DCHS1: variants seen among roughly 807,000 people sequenced by gnomAD.
DCHS1 encodes dachsous cadherin-related 1.
In DCHS1, 78 loss-of-function variants were observed where a neutral mutation model predicts 213.9. The ratio of observed to expected loss-of-function variants is 0.36; its 90% CI spans 0.30 to 0.44. The LOEUF (loss-of-function observed/expected upper bound fraction) is 0.44, where lower values mean the gene tolerates loss of function less well. Among genes scored for constraint, DCHS1 ranks in the 20% least tolerant of loss-of-function variants. The pLI, the probability that DCHS1 is intolerant of heterozygous loss-of-function variation, is 1.00. For synonymous variants in DCHS1, 1,828 were observed against 1,873.7 expected, an observed-to-expected ratio of 0.98 and a Z score of 0.63; for missense variants, 3,946 against 4,395.9, an observed-to-expected ratio of 0.90 and a Z score of 2.89.
intron 1 of DCHS1, among the ~76,000 whole-genome samples, chr11:6,645,704 T>A (rs1197985277): frequency 6.6e-6 from 1 of 152,112 alleles, no homozygotes; most frequent in Non-Finnish European, 1.5e-5. Context: ...CAACTCCTTC[T>A]CTCAACCTGT....
Position 6,630,169 on chromosome 11 carries a change from T to C in DCHS1, c.4625A>G (p.Asn1542Ser). Residue 1542 changes from asparagine to serine, a missense_variant, in exon 10 of 21, where the codon AAC becomes AGC. Asn to Ser is a conservative substitution (Grantham distance 46). Coordinates refer to ENST00000299441, the MANE Select transcript of DCHS1 (RefSeq NM_003737.4). The stretch of plus-strand genomic sequence containing the variant: ...TGACGGCGAGGCGAAGACAGGCGCG[T>C]TGTCATTCTCATCCGTGACGAAGAC... Reference protein sequence around the residue: ...ARVFVTDENDNAPVFASPSRV... With the variant: ...ARVFVTDENDSAPVFASPSRV... 6.3e-7 allele frequency: 1 copy of C among 1,599,902 alleles called. No homozygotes were observed. The highest frequency in any genetic ancestry group is 1.1e-5 in the South Asian group (1 of 89,752).
chr11:6,630,474 C>G lies in DCHS1; in HGVS notation c.4320G>C (p.Pro1440=). ...NEHAPAFARD[P]LALALPENPE... ...GGTTCTCTGGCAGCGCCAGCGCCAGCGGGTCGCGCGCAAAGGCGGGCGCAT... is the reference window on the plus strand; with the variant it reads ...GGTTCTCTGGCAGCGCCAGCGCCAGGGGGTCGCGCGCAAAGGCGGGCGCAT... Residue 1440 remains proline, a synonymous_variant, in exon 10 of 21, where the codon CCG becomes CCC. Transcript: ENST00000299441. The G allele has an allele frequency of 6.5e-7, 1 of 1,530,098 alleles. No individual in the cohort carries two copies. The highest frequency in any genetic ancestry group is 8.7e-7 in the Non-Finnish European group (1 of 1,144,674). The allele number at this position is 1,530,098 out of a possible 1,614,324, so 94.8% of individuals were successfully genotyped here.
Position 6,655,635 on chromosome 11 carries a change from C to A in DCHS1, c.-193G>T, listed in dbSNP as rs1439978555. 1.0e-6 allele frequency: 1 copy of A among 978,586 alleles called. No individual in the cohort carries two copies. The highest frequency in any genetic ancestry group is 1.2e-6 in the Non-Finnish European group (1 of 826,742). 60.6% of individuals were successfully genotyped at this position (978,586 alleles called of 1,614,324 possible). On this transcript the variant is annotated 5_prime_UTR_variant, in exon 1 of 21. Transcript: ENST00000299441. ...CCGCGGTCAGCCCCCCGGGCAGCGCCCGCTCGCGCGGGGCCTGAGGCCGCG... is the reference window on the plus strand; with the variant it reads ...CCGCGGTCAGCCCCCCGGGCAGCGCACGCTCGCGCGGGGCCTGAGGCCGCG...
chr11:6,629,351 A>G, intron 12 of DCHS1, 101 bp downstream of exon 12: 1 of 1,473,050 alleles, frequency 6.8e-7, no homozygotes, highest in African/African-American at 1.4e-5. Flanking sequence ...TTGTGGTAAT[A>G]GGCAAAAACT....
rs764631805 is a variant in DCHS1, at chr11:6,633,922, A to G, written c.2085T>C (p.Ser695=). ...CAGCTGTGCCTGGTGGACTCTGGGCACTTATACTGGCAGCATACTCCCGTG... is the reference window on the plus strand; with the variant it reads ...CAGCTGTGCCTGGTGGACTCTGGGCGCTTATACTGGCAGCATACTCCCGTG... The part of the protein sequence containing the change: ...FYPREYAASI[S]AQSPPGTAVL... Residue 695 remains serine (S), a synonymous_variant, in exon 4 of 21, where the codon AGT becomes AGC. Transcript: ENST00000299441. The G allele has an allele frequency of 6.2e-7, 1 of 1,614,020 alleles. No homozygotes were observed. Among genetic ancestry groups the G allele is most frequent in the South Asian group, 1.1e-5 (1 of 91,090 alleles).
intron 8 of DCHS1, 22 bp from the exon 9 acceptor site, chr11:6,631,232 T>C (rs769546278): frequency 1.6e-5 from 25 of 1,612,292 alleles, no homozygotes; most frequent in Non-Finnish European, 1.7e-5. Flanking sequence ...CAGAGGAAGA[T>C]GAGGGCTTGG....
In DCHS1 at chr11:6,641,223, C is replaced by G. The variant is rs768657823; in HGVS notation, c.391G>C (p.Val131Leu). Residue 131 changes from valine (V) to leucine (L), a missense_variant, in exon 2 of 21, where the codon GTG (valine) becomes CTG (leucine). Physicochemically the swap from Val to Leu is conservative, Grantham distance 32. Coordinates refer to ENST00000299441, the MANE Select transcript of DCHS1 (RefSeq NM_003737.4). The surrounding 1 kb of genome is among the most constrained non-coding windows in gnomAD (Gnocchi z 7.1). ...TPDGATVEVTVRVADINDHAP... is the reference protein window; with the variant it reads ...TPDGATVEVTLRVADINDHAP... ...TGGTCGTTGATGTCAGCCACTCGCA[C>G]TGTAACTTCTACGGTGGCACCATCA... The G allele has an allele frequency of 6.2e-7, 1 of 1,613,768 alleles. No individual in the cohort carries two copies. The highest frequency in any genetic ancestry group is 8.5e-7 in the Non-Finnish European group (1 of 1,179,888).
intron 2 of DCHS1, among the ~76,000 whole-genome samples, chr11:6,636,354 C>T (rs903398063): frequency 2.6e-5 from 4 of 151,992 alleles, no homozygotes; most frequent in African/African-American, 9.7e-5. Flanking sequence ...GGACTACAGG[C>T]GTGCACCACC....
chr11:6,631,376 A>G lies in DCHS1; in HGVS notation c.3707T>C (p.Val1236Ala), dbSNP rs1855905170. 1 of 1,613,858 alleles carries G rather than the reference A, an allele frequency of 6.2e-7. No individual in the cohort carries two copies. Among genetic ancestry groups the G allele is most frequent in the Non-Finnish European group, 8.5e-7 (1 of 1,179,884 alleles). The change falls in exon 8 of 21, where the codon GTG becomes GCG. Residue 1236 changes from valine to alanine, a missense_variant. By Grantham distance (64) the Val-to-Ala change is moderately conservative. Around this residue, in one of 3 missense-constraint regions of DCHS1, gnomAD observed 3,384 missense variants for 3,780.1 expected, o/e 0.90. Transcript: ENST00000299441. The stretch of plus-strand genomic sequence containing the variant: ...TGGATCCTTCGCCTGCAGAGTCGTC[A>G]CCAGTGTTCCCGGAGGCACGCGGTC... ...VPDRVPPGTL[V>A]TTLQAKDPDE...
Position 6,632,952 on chromosome 11 carries a change from G to T in DCHS1, c.2560C>A (p.Arg854=). The part of the protein sequence containing the change: ...GLLQTLRPLD[R]ELLGPVLELE... ...TCCAACACTGGTCCCAGTAGCTCCC[G>T]GTCCAGAGGGCGAAGTGTTTGCAAC... The change falls in exon 6 of 21, where the codon CGG becomes AGG. Residue 854 remains arginine, a synonymous_variant. Transcript: ENST00000299441. The surrounding 1 kb of genome is among the most constrained non-coding windows in gnomAD (Gnocchi z 5.9). The T allele has an allele frequency of 6.2e-7, 1 of 1,614,028 alleles. No individual in the cohort carries two copies. The highest frequency in any genetic ancestry group is 8.5e-7 in the Non-Finnish European group (1 of 1,179,894).
chr11:6,633,544 G>A lies in DCHS1; in HGVS notation c.2323C>T (p.Arg775Ter), dbSNP rs1855944621. 3 of 1,588,962 alleles carry A rather than the reference G, an allele frequency of 1.9e-6. No individual in the cohort carries two copies. Among genetic ancestry groups the A allele is most frequent in the Admixed American group, 1.8e-5 (1 of 56,176 alleles). ...GGGLQAEPSA[R>*]VDISIVPGTP... ...CCAGGCACAATGCTGATGTCCACTCGGGCACTGGGTTCTGCCTGTAGGCCA... is the reference window on the plus strand; with the variant it reads ...CCAGGCACAATGCTGATGTCCACTCAGGCACTGGGTTCTGCCTGTAGGCCA... The change falls in exon 5 of 21, where the codon CGA (arginine) becomes TGA (stop). Residue 775 changes from arginine to a stop codon, truncating the protein, a stop_gained. Coordinates refer to ENST00000299441, the MANE Select transcript of DCHS1 (RefSeq NM_003737.4). LOFTEE classifies it high-confidence loss of function.
intron 1 of DCHS1, among the ~76,000 whole-genome samples, chr11:6,649,341 CA>C (rs1351610287): frequency 6.6e-6 from 1 of 151,680 alleles, no homozygotes; most frequent in Non-Finnish European, 1.5e-5. Context: ...GGAGAATGAT[CA>C]AAGTTCTGTT....
At position 6,641,414 on chromosome 11, in the gene DCHS1, C is replaced by T; in HGVS notation, c.200G>A (p.Gly67Glu). 3 of 1,613,302 alleles carry T rather than the reference C, an allele frequency of 1.9e-6. No individual in the cohort carries two copies. Among genetic ancestry groups the T allele is most frequent in the Non-Finnish European group, 2.5e-6 (3 of 1,179,806 alleles). ...AGTLIGDISA[G>E]LPAGTAAPLM... ...AGGAGCTGCCGTGCCTGCCGGAAGC[C>T]CCGCACTGATGTCGCCAATCAGTGT... The change falls in exon 2 of 21, where the codon GGG (glycine) becomes GAG (glutamate). Residue 67 changes from glycine (G) to glutamate (E), a missense_variant. Around this residue, in one of 3 missense-constraint regions of DCHS1, gnomAD observed 3,384 missense variants for 3,780.1 expected, o/e 0.90. Coordinates refer to ENST00000299441, the MANE Select transcript of DCHS1 (RefSeq NM_003737.4). The surrounding 1 kb of genome is among the most constrained non-coding windows in gnomAD (Gnocchi z 7.1).
rs766945535 is a variant in DCHS1 at position 6,631,621 on chromosome 11, T to C, written c.3670A>G (p.Ile1224Val). 22 of 1,576,010 alleles carry C rather than the reference T, an allele frequency of 1.4e-5. No individual in the cohort carries two copies. The highest frequency in any genetic ancestry group is 1.9e-5 in the Non-Finnish European group (22 of 1,161,774). Reference protein sequence around the residue: ...ASGAAGGGLPIQVPDRVPPGT... With the variant: ...ASGAAGGGLPVQVPDRVPPGT... ...AGTCCTGCCACTTCACATACCTGTA[T>C]AGGGAGGCCCCCACCAGCAGCTCCT... Residue 1224 changes from isoleucine (I) to valine (V), a missense_variant, in exon 7 of 21, where the codon ATA becomes GTA. Around this residue, in one of 3 missense-constraint regions of DCHS1, gnomAD observed 3,384 missense variants for 3,780.1 expected, o/e 0.90. Coordinates refer to ENST00000299441, the MANE Select transcript of DCHS1 (RefSeq NM_003737.4).
rs72911018 is a variant in DCHS1 at position 6,625,104 on chromosome 11, C to A, written c.7146+94G>T. 13,652 of 1,497,368 alleles carry A rather than the reference C, an allele frequency of 9.1e-3. 87 individuals carry two copies. The highest frequency in any genetic ancestry group is 0.011 in the Non-Finnish European group (12,389 of 1,115,416). 92.8% of individuals were successfully genotyped at this position (1,497,368 alleles called of 1,614,324 possible). On this transcript the variant is annotated intron_variant, in intron 19 of 20. Coordinates refer to ENST00000299441, the MANE Select transcript of DCHS1 (RefSeq NM_003737.4). This position sits in a 1 kb window ranked among gnomAD's most constrained non-coding sequence, Gnocchi z 5.3. ...CTTCCCATTCCCAGATCAGCTCCAA[C>A]GTCCAGCCCACCTCAGCAGCTGCTA...
At chr11:6,654,510 G>A (rs1247249964) in intron 1 of DCHS1, among the ~76,000 whole-genome samples, 6 of 152,132 alleles carry the variant, frequency 3.9e-5, no homozygotes, top group Non-Finnish European at 4.4e-5. Flanking sequence ...ACAATGAACC[G>A]GTGGGAGTAT....
chr11:6,638,076 A>C (rs2555141), intron 2 of DCHS1, among the ~76,000 whole-genome samples: 98,352 of 151,978 alleles, frequency 0.65, 32,500 homozygotes, highest in African/African-American at 0.79. Context: ...TTGGTCCTGG[A>C]CAAGAAGGAG....
intron 1 of DCHS1, among the ~76,000 whole-genome samples, chr11:6,649,564 T>C (rs1856214760): frequency 6.6e-6 from 1 of 151,904 alleles, no homozygotes; most frequent in African/African-American, 2.4e-5. Flanking sequence ...CATTGATAAA[T>C]CTGTTATTCA....
chr11:6,622,228 T>C lies in DCHS1; in HGVS notation c.9448A>G (p.Ile3150Val), dbSNP rs1253004897. The C allele has an allele frequency of 1.2e-6, 2 of 1,601,542 alleles. No individual in the cohort carries two copies. Among genetic ancestry groups the C allele is most frequent in the Admixed American group, 1.7e-5 (1 of 58,652 alleles). ...CGGAGCTCCTCCTCGCCGGCCACAATGGCTGTCAGCGCACCTGCCACACAT... is the reference window on the plus strand; with the variant it reads ...CGGAGCTCCTCCTCGCCGGCCACAACGGCTGTCAGCGCACCTGCCACACAT... ...KPCVAGALTA[I>V]VAGEEELRGS... Residue 3150 changes from isoleucine (I) to valine (V), a missense_variant, in exon 21 of 21, where the codon ATT becomes GTT. Ile to Val is a conservative substitution (Grantham distance 29). Transcript: ENST00000299441. The surrounding 1 kb of genome is among the most constrained non-coding windows in gnomAD (Gnocchi z 5.4).
Sources: gnomAD v4.1 joint callset for allele counts (sites outside exome capture counted in the v4.1 genomes callset) on GRCh38, gnomAD v4.1.1 for gene constraint, gnomAD v4.1.1 regional missense constraint, Gnocchi (gnomAD v3.1) non-coding constraint, MANE v1.5 for transcripts, NCBI Gene and HGNC (gene_info 2026-07-23, HGNC 2026-07-21) for gene names.